The following ITGAM variants were observed in gnomAD, a reference collection of about 807,000 sequenced individuals.
ITGAM encodes the protein integrin subunit alpha M.
Under a neutral mutation model 137.5 loss-of-function variants are expected in ITGAM, and 79 were observed. That is an observed-to-expected ratio of 0.57 (90% CI 0.48 to 0.69). The LOEUF (loss-of-function observed/expected upper bound fraction) is 0.69. ITGAM is among the 30% of genes least tolerant of loss of function. The pLI is 0.00. For missense variants in ITGAM, 1,343 were observed against 1,483.5 expected (o/e 0.91, Z 1.56); for synonymous variants, 583 against 592.3 (o/e 0.98, Z 0.23).
intron 14 of ITGAM, among the ~76,000 whole-genome samples, chr16:31,314,563 G>T (rs1451839233): frequency 6.6e-6 from 1 of 151,918 alleles, no homozygotes; most frequent in Non-Finnish European, 1.5e-5. Context: ...TATTTCTGAG[G>T]CCTCTGTTCT....
At chr16:31,279,056 A>G (rs909293444) in intron 12 of ITGAM, among the ~76,000 whole-genome samples, 21 of 152,198 alleles carry the variant, frequency 1.4e-4, no homozygotes, top group African/African-American at 5.1e-4. Context: ...GTCCCTACAA[A>G]GGACATGAAC....
chr16:31,302,313 T>A (rs1208909971), intron 14 of ITGAM, among the ~76,000 whole-genome samples: 1 of 152,220 alleles, frequency 6.6e-6, no homozygotes, highest in East Asian at 1.9e-4. Flanking sequence ...GTAAGAGCAC[T>A]GTGCAATCTA....
At chr16:31,316,725 T>C (rs2080396198) in intron 14 of ITGAM, among the ~76,000 whole-genome samples, 1 of 152,236 alleles carries the variant, frequency 6.6e-6, no homozygotes. Flanking sequence ...TTTAAAAATA[T>C]TCTTTCAATC....
chr16:31,329,856 G>A lies in ITGAM; in HGVS notation c.2927G>A (p.Arg976Gln), dbSNP rs376380215. The A allele has an allele frequency of 6.4e-6, 10 of 1,564,792 alleles. No homozygotes were observed. The highest frequency in any genetic ancestry group is 1.7e-4 in the Middle Eastern group (1 of 6,008). The change falls in exon 25 of 30, where the codon CGG (arginine) becomes CAG (glutamine). Residue 976 changes from arginine (R) to glutamine (Q), a missense_variant. Arg to Gln is a conservative substitution (Grantham distance 43). Coordinates refer to ENST00000544665, the MANE Select transcript of ITGAM (RefSeq NM_000632.4). ...PISLVFLVPV[R>Q]LNQTVIWDRP... The stretch of plus-strand genomic sequence containing the variant: ...AGCCTGGTGTTCTTGGTGCCCGTCC[G>A]GCTGAACCAGACTGTCATATGGGAC...
chr16:31,267,115 A>T (rs1040345218), intron 5 of ITGAM, among the ~76,000 whole-genome samples: 1 of 151,986 alleles, frequency 6.6e-6, no homozygotes, highest in African/African-American at 2.4e-5. Flanking sequence ...TGATCTGCCC[A>T]CCTTGGCTTC....
In ITGAM at chr16:31,331,262, C is replaced by G; in HGVS notation, c.3374C>G (p.Ala1125Gly). Residue 1125 changes from alanine (A) to glycine (G), a missense_variant, in exon 29 of 30, where the codon GCC becomes GGC. Ala to Gly is a moderately conservative substitution (Grantham distance 60). Coordinates refer to ENST00000544665, the MANE Select transcript of ITGAM (RefSeq NM_000632.4). ...GGLLLLALITAALYKLGFFKR... is the reference protein window; with the variant it reads ...GGLLLLALITGALYKLGFFKR... ...CTGCTGCTCCTGGCCCTCATCACCG[C>G]CGCGCTGTACAAGGTGCTCCCCGCT... The G allele has an allele frequency of 6.2e-7, 1 of 1,608,976 alleles. No individual in the cohort carries two copies. The highest frequency in any genetic ancestry group is 8.5e-7 in the Non-Finnish European group (1 of 1,176,464).
chr16:31,328,653 CTG>C (rs933458879), intron 23 of ITGAM, among the ~76,000 whole-genome samples: 13 of 131,180 alleles, frequency 9.9e-5, no homozygotes, highest in African/African-American at 3.6e-4. Context: ...ATGTGTGTGT[CTG>C]AGGATATATG....
chr16:31,320,557 A>G (rs914958874), intron 14 of ITGAM, among the ~76,000 whole-genome samples: 1 of 152,160 alleles, frequency 6.6e-6, no homozygotes, highest in South Asian at 2.1e-4. Flanking sequence ...TTTTGGCTTC[A>G]TTTCCCTTGC....
chr16:31,267,885 C>G (rs1327234318), intron 5 of ITGAM, among the ~76,000 whole-genome samples: 2 of 152,064 alleles, frequency 1.3e-5, no homozygotes, highest in African/African-American at 2.4e-5. Flanking sequence ...CTCAAGAGAT[C>G]TTCCCACCTC....
At position 31,270,977 on chromosome 16, in the gene ITGAM, A is replaced by G; in HGVS notation, c.451A>G (p.Ile151Val). ...LRGCPQEDSD[I>V]AFLIDGSGSI... ...AGGGTGTCCTCAAGAGGATAGTGAC[A>G]TTGCCTTCTTGATTGATGGCTCTGG... The change falls in exon 6 of 30, where the codon ATT (isoleucine) becomes GTT (valine). Residue 151 changes from isoleucine (I) to valine (V), a missense_variant. Transcript: ENST00000544665. The G allele has an allele frequency of 1.9e-6, 3 of 1,579,756 alleles. No individual in the cohort carries two copies. The highest frequency in any genetic ancestry group is 2.6e-6 in the Non-Finnish European group (3 of 1,159,620).
chr16:31,283,424 ACT>A (rs2079992156), intron 12 of ITGAM, among the ~76,000 whole-genome samples: 2 of 150,462 alleles, frequency 1.3e-5, no homozygotes, highest in Non-Finnish European at 3.0e-5. Context: ...ATTTCTTTTT[ACT>A]CTTTTTTTCT....
intron 14 of ITGAM, among the ~76,000 whole-genome samples, chr16:31,308,768 T>C (rs938291605): frequency 2.0e-5 from 3 of 152,216 alleles, no homozygotes; most frequent in Non-Finnish European, 4.4e-5. Flanking sequence ...AGATCTTTCC[T>C]GCTTTCTCTT....
intron 14 of ITGAM, among the ~76,000 whole-genome samples, chr16:31,316,388 A>G (rs1265338157): frequency 3.1e-5 from 2 of 65,490 alleles, no homozygotes; most frequent in Non-Finnish European, 4.4e-5. Context: ...CTCCGTCTGG[A>G]AAAAAAAAAA....
chr16:31,303,922 C>T (rs1239091226), intron 14 of ITGAM, among the ~76,000 whole-genome samples: 1 of 152,202 alleles, frequency 6.6e-6, no homozygotes, highest in Non-Finnish European at 1.5e-5. Context: ...CTGCTATAAA[C>T]ATGCATGTTC....
chr16:31,301,335 G>T (rs938045489), intron 14 of ITGAM, among the ~76,000 whole-genome samples: 11 of 152,118 alleles, frequency 7.2e-5, no homozygotes, highest in Non-Finnish European at 1.5e-4. Flanking sequence ...TTTACCCATT[G>T]TGTATTCTTG....
Position 31,324,330 on chromosome 16 carries a change from G to A in ITGAM, c.2003-69G>A, listed in dbSNP as rs1476927073. 4 of 1,356,470 alleles carry A rather than the reference G, an allele frequency of 2.9e-6. No homozygotes were observed. Among genetic ancestry groups the A allele is most frequent in the Non-Finnish European group, 4.1e-6 (4 of 974,090 alleles). The allele number at this position is 1,356,470 out of a possible 1,614,324, so 84.0% of individuals were successfully genotyped here. ...CACAGCTGAGAAGCAGAGGAGCTGG[G>A]CCTTGAACTCCCATCTGCCGGGTTC... On this transcript the variant is annotated intron_variant, in intron 16 of 29. Coordinates refer to ENST00000544665, the MANE Select transcript of ITGAM (RefSeq NM_000632.4). This position sits in a 1 kb window ranked among gnomAD's most constrained non-coding sequence, Gnocchi z 4.5.
chr16:31,324,739 G>A lies in ITGAM; in HGVS notation c.2246G>A (p.Arg749Gln), dbSNP rs773891491. 5 of 1,589,592 alleles carry A rather than the reference G, an allele frequency of 3.1e-6. No homozygotes were observed. The highest frequency in any genetic ancestry group is 1.2e-5 in the South Asian group (1 of 86,622). The change falls in exon 18 of 30, where the codon CGG becomes CAG. Residue 749 changes from arginine (R) to glutamine (Q), a missense_variant. Coordinates refer to ENST00000544665, the MANE Select transcript of ITGAM (RefSeq NM_000632.4). The surrounding 1 kb of genome is among the most constrained non-coding windows in gnomAD (Gnocchi z 4.5). ...GTPLSAFGNLRPVLAEDAQRL... is the reference protein window; with the variant it reads ...GTPLSAFGNLQPVLAEDAQRL... ...CCATTGTCTGCTTTCGGGAACCTCC[G>A]GCCAGTGCTGGCGGAGGATGCTCAG...
intron 22 of ITGAM, among the ~76,000 whole-genome samples, chr16:31,327,647 A>G (rs1379020162): frequency 6.6e-6 from 1 of 151,964 alleles, no homozygotes; most frequent in Non-Finnish European, 1.5e-5. Context: ...AAAAGAAAAT[A>G]TATTTAGACA....
chr16:31,279,685 G>A (rs1297720975), intron 12 of ITGAM, among the ~76,000 whole-genome samples: 1 of 152,156 alleles, frequency 6.6e-6, no homozygotes, highest in Non-Finnish European at 1.5e-5. Flanking sequence ...CCATTCTGTA[G>A]GTGGCCTGTT....
Sources: gnomAD v4.1 joint callset for allele counts (sites outside exome capture counted in the v4.1 genomes callset) on GRCh38, gnomAD v4.1.1 for gene constraint, Gnocchi (gnomAD v3.1) non-coding constraint, MANE v1.5 for transcripts, NCBI Gene and HGNC (gene_info 2026-07-23, HGNC 2026-07-21) for gene names.